Variants in PXDNL observed in about 807,000 individuals in gnomAD.
PXDNL encodes the protein probable oxidoreductase PXDNL.
Under a neutral mutation model 150.8 loss-of-function variants are expected in PXDNL, and 145 were observed. The ratio of observed to expected loss-of-function variants is 0.96; its 90% CI spans 0.84 to 1.10. The LOEUF (loss-of-function observed/expected upper bound fraction) is 1.10, where lower values mean the gene tolerates loss of function less well. Ranked by LOEUF, PXDNL falls within the 50% of genes least tolerant of loss-of-function variation. PXDNL has a pLI of 0.00. For synonymous variants in PXDNL, 757 were observed against 725.7 expected (o/e 1.04, Z -0.69); for missense variants, 2,087 against 1,873.9 (o/e 1.11, Z -2.10).
intron 4 of PXDNL, among the ~76,000 whole-genome samples, chr8:51,510,913 T>C (rs1811401993): frequency 6.6e-6 from 1 of 152,118 alleles, no homozygotes; most frequent in African/African-American, 2.4e-5. Context: ...GCTCAGGAAA[T>C]TGATGTTGTC....
intron 1 of PXDNL, among the ~76,000 whole-genome samples, chr8:51,656,158 C>A (rs1213866354): frequency 6.6e-6 from 1 of 152,102 alleles, no homozygotes; most frequent in Admixed American, 6.5e-5. Flanking sequence ...CAATTAATTT[C>A]TCAAAACAAA....
At chr8:51,787,641 A>G (rs2037472446) in intron 1 of PXDNL, among the ~76,000 whole-genome samples, 1 of 152,248 alleles carries the variant, frequency 6.6e-6, no homozygotes, top group South Asian at 2.1e-4. Flanking sequence ...ATGAGCAAAG[A>G]AAGTAGTTTC....
intron 2 of PXDNL, among the ~76,000 whole-genome samples, chr8:51,643,275 C>T (rs1206449310): frequency 1.3e-5 from 2 of 152,166 alleles, no homozygotes; most frequent in Non-Finnish European, 2.9e-5. Context: ...AGGCATCACC[C>T]TACCTGACTT....
intron 13 of PXDNL, among the ~76,000 whole-genome samples, chr8:51,424,213 A>G (rs1462284290): frequency 1.3e-5 from 2 of 152,058 alleles, no homozygotes; most frequent in African/African-American, 4.8e-5. Context: ...AAAAAATAGA[A>G]CAAAAGTCAG....
chr8:51,768,912 A>G (rs530897628), intron 1 of PXDNL, among the ~76,000 whole-genome samples: 2 of 152,266 alleles, frequency 1.3e-5, no homozygotes, highest in Admixed American at 1.3e-4. Context: ...TGGCTAACAC[A>G]GTGAAACCCC....
intron 1 of PXDNL, among the ~76,000 whole-genome samples, chr8:51,805,591 C>T (rs1292064286): frequency 6.6e-6 from 1 of 151,554 alleles, no homozygotes; most frequent in Non-Finnish European, 1.5e-5. Context: ...TTTCCATTTC[C>T]CCACCCCCAT....
chr8:51,585,714 T>C (rs2130639267), intron 3 of PXDNL, among the ~76,000 whole-genome samples: 1 of 152,176 alleles, frequency 6.6e-6, no homozygotes, highest in African/African-American at 2.4e-5. Context: ...CTTGTCAAAC[T>C]TGCTAGCCTT....
At chr8:51,749,804 G>A (rs1468964423) in intron 1 of PXDNL, among the ~76,000 whole-genome samples, 23 of 152,222 alleles carry the variant, frequency 1.5e-4, no homozygotes, top group African/African-American at 4.8e-4. Context: ...TGGTTCAAGC[G>A]ATTCTCCTGC....
At chr8:51,421,131 G>A (rs572533023) in intron 14 of PXDNL, among the ~76,000 whole-genome samples, 53 of 152,190 alleles carry the variant, frequency 3.5e-4, no homozygotes, top group Non-Finnish European at 6.3e-4. Flanking sequence ...GCAAGACAGA[G>A]GGGCAATACA....
rs1176610008 is a variant in PXDNL, at chr8:51,495,385, G to A, written c.452+4314C>T. On this transcript the variant is annotated intron_variant, in intron 5 of 22. Transcript: ENST00000356297. ...AATTAAAAGAACTAGAAAAGCAAGA[G>A]CAAACACATTCAAAAGCTAGCAGAA... 2.6e-5 allele frequency among the ~76,000 whole-genome samples: 4 copies of A among 151,946 alleles called. 1 individual carries two copies. The highest frequency in any genetic ancestry group is 9.7e-5 in the African/African-American group (4 of 41,340).
At chr8:51,490,389 G>A (rs1810862073) in intron 5 of PXDNL, among the ~76,000 whole-genome samples, 1 of 151,870 alleles carries the variant, frequency 6.6e-6, no homozygotes, top group South Asian at 2.1e-4. Flanking sequence ...TGTAGTTGCA[G>A]GAAAAACGTT....
At chr8:51,679,670 G>A (rs1815700220) in intron 1 of PXDNL, among the ~76,000 whole-genome samples, 2 of 152,280 alleles carry the variant, frequency 1.3e-5, no homozygotes, top group East Asian at 3.9e-4. Flanking sequence ...TTGCATGTGG[G>A]CTTCATGCTT....
chr8:51,619,661 C>T (rs1053107652), intron 2 of PXDNL, among the ~76,000 whole-genome samples: 2 of 152,178 alleles, frequency 1.3e-5, no homozygotes, highest in Non-Finnish European at 1.5e-5. Flanking sequence ...CATGCCTTCT[C>T]CCCCTTAGCC....
intron 17 of PXDNL, among the ~76,000 whole-genome samples, chr8:51,387,006 G>T (rs190973280): frequency 2.6e-4 from 39 of 152,002 alleles, no homozygotes; most frequent in African/African-American, 8.9e-4. Context: ...AGTCCATTAC[G>T]ATGTGAGAGC....
At chr8:51,355,611 A>C (rs1231722277) in intron 19 of PXDNL, among the ~76,000 whole-genome samples, 1 of 152,188 alleles carries the variant, frequency 6.6e-6, no homozygotes, top group African/African-American at 2.4e-5. Flanking sequence ...AGAGTAAATC[A>C]TTTTCTGTTC....
At chr8:51,675,707 C>A (rs939552682) in intron 1 of PXDNL, among the ~76,000 whole-genome samples, 1 of 139,780 alleles carries the variant, frequency 7.2e-6, no homozygotes, top group African/African-American at 2.8e-5. Context: ...GCAGGAGAAT[C>A]ACTCAAACCC....
intron 19 of PXDNL, among the ~76,000 whole-genome samples, chr8:51,360,610 G>A (rs1806702764): frequency 6.6e-6 from 1 of 152,052 alleles, no homozygotes; most frequent in South Asian, 2.1e-4. Context: ...GTTAAATTAG[G>A]TTTAGACCAA....
At chr8:51,429,506 GGGAGGT>G (rs1809198421) in intron 12 of PXDNL, among the ~76,000 whole-genome samples, 1 of 152,030 alleles carries the variant, frequency 6.6e-6, no homozygotes, top group African/African-American at 2.4e-5. Flanking sequence ...GCTTGAACTG[GGGAGGT>G]GGAGGTTGCG....
chr8:51,407,945 T>C, intron 17 of PXDNL, 122 bp downstream of exon 17: 1 of 760,934 alleles, frequency 1.3e-6, no homozygotes, highest in Non-Finnish European at 2.1e-6. Flanking sequence ...TCTCCAACAA[T>C]AACAAGTACT....
Sources: gnomAD v4.1 joint callset for allele counts (sites outside exome capture counted in the v4.1 genomes callset) on GRCh38, gnomAD v4.1.1 for gene constraint, MANE v1.5 for transcripts, NCBI Gene and HGNC (gene_info 2026-07-23, HGNC 2026-07-21) for gene names.